Variants in ZNF845 observed in about 807,000 individuals in gnomAD.
ZNF845 encodes zinc finger protein 845.
Under a neutral mutation model 76.1 loss-of-function variants are expected in ZNF845, and 59 were observed. The observed-to-expected ratio is 0.78, with a 90% CI of 0.63 to 0.96. The LOEUF (loss-of-function observed/expected upper bound fraction) is 0.96, where lower values mean the gene tolerates loss of function less well. Among genes scored for constraint, ZNF845 ranks in the 40% least tolerant of loss-of-function variants. The pLI, the probability that ZNF845 is intolerant of heterozygous loss-of-function variation, is 0.00. For missense variants in ZNF845, 1,045 were observed against 1,172.8 expected (o/e 0.89, Z 1.59); for synonymous variants, 361 against 386.9 (o/e 0.93, Z 0.78).
At chr19:53,339,116 G>A (rs1340322912) in intron 1 of ZNF845, among the ~76,000 whole-genome samples, 2 of 151,898 alleles carry the variant, frequency 1.3e-5, no homozygotes, top group African/African-American at 4.8e-5. Flanking sequence ...ATAAATAAAT[G>A]TGCTATAATG....
Position 53,345,616 on chromosome 19 carries a change from G to A in ZNF845, c.126G>A (p.Arg42=). ...GGGACGTGATGCTGGAGAATTATAG[G>A]AACCTGGTCTCCCTGGGTGAGGATA... is the stretch of plus-strand genomic sequence containing the variant. ...LYRDVMLENY[R]NLVSLDISSK... The change falls in exon 3 of 4, where the codon AGG becomes AGA. Residue 42 remains arginine (R), a synonymous_variant. Transcript: ENST00000458035. 5 of 1,613,776 alleles carry A rather than the reference G, an allele frequency of 3.1e-6. No homozygotes were observed. The highest frequency in any genetic ancestry group is 4.2e-6 in the Non-Finnish European group (5 of 1,179,838).
intron 1 of ZNF845, among the ~76,000 whole-genome samples, chr19:53,340,282 C>T (rs945666514): frequency 6.6e-6 from 1 of 152,196 alleles, no homozygotes; most frequent in South Asian, 2.1e-4. Flanking sequence ...GAACTTCTGA[C>T]GTCAAGTGAT....
chr19:53,354,390 G>A lies in ZNF845; in HGVS notation c.*802G>A. The A allele has an allele frequency of 3.4e-6, 1 of 297,520 alleles. No individual in the cohort carries two copies. The highest frequency in any genetic ancestry group is 6.8e-6 in the Non-Finnish European group (1 of 146,302). 18.4% of individuals were successfully genotyped at this position (297,520 alleles called of 1,614,324 possible). A position where few individuals can be genotyped will look rare whatever the true frequency, so the allele number is the denominator to read the frequency against. ...AAAGTGTTTATGTTAAGAAGATTGG[G>A]CCAGGCGGGGTGGCTCACGCCTGTA... On this transcript the variant is annotated 3_prime_UTR_variant, in exon 4 of 4. Transcript: ENST00000458035.
intron 1 of ZNF845, among the ~76,000 whole-genome samples, chr19:53,339,862 C>G (rs1172943120): frequency 6.6e-6 from 1 of 152,158 alleles, no homozygotes; most frequent in Non-Finnish European, 1.5e-5. Flanking sequence ...GACTATCCTT[C>G]CCTGCTTTAT....
At chr19:53,339,642 AG>A (rs2085242287) in intron 1 of ZNF845, among the ~76,000 whole-genome samples, 1 of 152,234 alleles carries the variant, frequency 6.6e-6, no homozygotes, top group South Asian at 2.1e-4. Context: ...TTCTTCATTG[AG>A]AGTCTGGGCA....
intron 2 of ZNF845, among the ~76,000 whole-genome samples, chr19:53,343,179 C>T (rs892003030): frequency 6.6e-6 from 1 of 152,134 alleles, no homozygotes; most frequent in African/African-American, 2.4e-5. Flanking sequence ...CAAGTAGACC[C>T]CAATGTCTGT....
At chr19:53,339,073 A>C (rs1330617888) in intron 1 of ZNF845, among the ~76,000 whole-genome samples, 1 of 152,114 alleles carries the variant, frequency 6.6e-6, no homozygotes, top group Admixed American at 6.6e-5. Flanking sequence ...GCACTACAGC[A>C]TGGTGACAGA....
At chr19:53,338,130 G>A (rs569924031) in intron 1 of ZNF845, among the ~76,000 whole-genome samples, 24 of 152,276 alleles carry the variant, frequency 1.6e-4, no homozygotes, top group African/African-American at 4.6e-4. Flanking sequence ...ATGCTGAGGC[G>A]TCTTCAGGGA....
Position 53,351,517 on chromosome 19 carries a change from G to A in ZNF845, c.842G>A (p.Ser281Asn). ...YKCNDCGKTF[S>N]QELTLTCHHR... ...TGTAATGATTGTGGCAAGACCTTCA[G>A]TCAGGAGTTAACCCTTACATGCCAT... is the stretch of plus-strand genomic sequence containing the variant. Residue 281 changes from serine (S) to asparagine (N), a missense_variant, in exon 4 of 4, where the codon AGT becomes AAT. Physicochemically the swap from Ser to Asn is conservative, Grantham distance 46. Coordinates refer to ENST00000458035, the MANE Select transcript of ZNF845 (RefSeq NM_138374.3). The A allele has an allele frequency of 6.2e-7, 1 of 1,614,220 alleles. No homozygotes were observed. Among genetic ancestry groups the A allele is most frequent in the Non-Finnish European group, 8.5e-7 (1 of 1,180,028 alleles).
rs76737922 is a variant in ZNF845 at position 53,353,014 on chromosome 19, G to A, written c.2339G>A (p.Cys780Tyr). The change falls in exon 4 of 4, where the codon TGT (cysteine) becomes TAT (tyrosine). Residue 780 changes from cysteine to tyrosine, a missense_variant. Physicochemically the swap from Cys to Tyr is radical, Grantham distance 194. Transcript: ENST00000458035. Reference protein sequence around the residue: ...TGEKPYKCKVCDKAFGRDSHL... With the variant: ...TGEKPYKCKVYDKAFGRDSHL... ...GAGAAACCATACAAATGTAAGGTTT[G>A]TGACAAAGCTTTTGGGCGTGATTCA... 2 of 1,613,890 alleles carry A rather than the reference G, an allele frequency of 1.2e-6. No homozygotes were observed. The highest frequency in any genetic ancestry group is 2.2e-5 in the South Asian group (2 of 91,074).
chr19:53,338,738 A>G (rs1189418434), intron 1 of ZNF845, among the ~76,000 whole-genome samples: 1 of 145,534 alleles, frequency 6.9e-6, no homozygotes, highest in Non-Finnish European at 1.5e-5. Flanking sequence ...ACACACTCCC[A>G]CACACACAGT....
intron 1 of ZNF845, among the ~76,000 whole-genome samples, chr19:53,340,375 CCCCCATGG>C (rs1472106770): frequency 1.3e-5 from 2 of 152,120 alleles, no homozygotes; most frequent in East Asian, 3.9e-4. Context: ...TTAAACTTTA[CCCCCATGG>C]CCCCATGGCC....
At chr19:53,346,033 A>G (rs1444277684) in intron 3 of ZNF845, among the ~76,000 whole-genome samples, 1 of 152,014 alleles carries the variant, frequency 6.6e-6, no homozygotes, top group Non-Finnish European at 1.5e-5. Context: ...TTTAAATTGT[A>G]GCATATGTGT....
chr19:53,336,633 CTTT>C (rs398035035), intron 1 of ZNF845, among the ~76,000 whole-genome samples: 89 of 92,428 alleles, frequency 9.6e-4, no homozygotes, highest in African/African-American at 3.9e-3. Context: ...TTCTTTCTTT[CTTT>C]TTTTTTTTTT....
intron 1 of ZNF845, among the ~76,000 whole-genome samples, chr19:53,335,116 T>G (rs954249527): frequency 3.9e-5 from 6 of 152,204 alleles, no homozygotes; most frequent in African/African-American, 1.4e-4. Flanking sequence ...CAGCTTCCAC[T>G]TGGAATCCCT....
At chr19:53,348,764 T>A (rs115313319) in intron 3 of ZNF845, among the ~76,000 whole-genome samples, 4,384 of 152,206 alleles carry the variant, frequency 0.029, 205 homozygotes, top group African/African-American at 0.098. Flanking sequence ...GGCCAATGCT[T>A]ATATATGGAA....
At chr19:53,334,501 CAAAA>C (rs1177624591) in intron 1 of ZNF845, among the ~76,000 whole-genome samples, 1 of 151,362 alleles carries the variant, frequency 6.6e-6, no homozygotes, top group Non-Finnish European at 1.5e-5. Flanking sequence ...CAAAACAAAA[CAAAA>C]AACAGCAGGA....
At chr19:53,346,996 G>A (rs1014310266) in intron 3 of ZNF845, among the ~76,000 whole-genome samples, 1 of 152,062 alleles carries the variant, frequency 6.6e-6, no homozygotes, top group African/African-American at 2.4e-5. Context: ...TGATTCTCCT[G>A]CCTCAGTTTT....
In ZNF845 at chr19:53,353,371, A is replaced by G; in HGVS notation, c.2696A>G (p.Gln899Arg). The change falls in exon 4 of 4, where the codon CAA becomes CGA. Residue 899 changes from glutamine (Q) to arginine (R), a missense_variant. Transcript: ENST00000458035. The stretch of plus-strand genomic sequence containing the variant: ...AAATGTGGTAAGGTTTTTAATCAAC[A>G]AGCACACCTTGCATGTCATCATAGA... ...CNKCGKVFNQ[Q>R]AHLACHHRIH... 1 of 1,613,608 alleles carries G rather than the reference A, an allele frequency of 6.2e-7. No individual in the cohort carries two copies.
Sources: gnomAD v4.1 joint callset for allele counts (sites outside exome capture counted in the v4.1 genomes callset) on GRCh38, gnomAD v4.1.1 for gene constraint, MANE v1.5 for transcripts, NCBI Gene and HGNC (gene_info 2026-07-23, HGNC 2026-07-21) for gene names.